Variants in CLVS1 observed in about 807,000 individuals in gnomAD.
The protein encoded by CLVS1 is clavesin 1.
Under a neutral mutation model 33.1 loss-of-function variants are expected in CLVS1, and 10 were observed. That is an observed-to-expected ratio of 0.30 (90% CI 0.19 to 0.51). The LOEUF (loss-of-function observed/expected upper bound fraction) is 0.51, where lower values mean the gene tolerates loss of function less well. Ranked by LOEUF, CLVS1 falls within the 20% of genes least tolerant of loss-of-function variation. The pLI is 0.97. For synonymous variants in CLVS1, 163 were observed against 166.1 expected (o/e 0.98, Z 0.14); for missense variants, 343 against 433.4 (o/e 0.79, Z 1.85).
chr8:61,383,525 C>T (rs560708276), intron 3 of CLVS1, among the ~76,000 whole-genome samples: 1 of 152,332 alleles, frequency 6.6e-6, no homozygotes, highest in South Asian at 2.1e-4. Flanking sequence ...TTGAAGGACA[C>T]TTTTCCTCTA....
At chr8:61,173,119 T>C (rs1807040609) in intron 2 of CLVS1, among the ~76,000 whole-genome samples, 1 of 152,190 alleles carries the variant, frequency 6.6e-6, no homozygotes, top group Admixed American at 6.5e-5. Flanking sequence ...TATTGGCATC[T>C]TTTCAGTTCC....
intron 2 of CLVS1, among the ~76,000 whole-genome samples, chr8:61,362,272 G>A (rs915221560): frequency 2.6e-5 from 4 of 152,200 alleles, no homozygotes; most frequent in African/African-American, 9.6e-5. Flanking sequence ...GCCCAAAGTG[G>A]AGAAGGGAAA....
At chr8:61,066,408 G>A (rs1309835787) in intron 1 of CLVS1, among the ~76,000 whole-genome samples, 1 of 152,174 alleles carries the variant, frequency 6.6e-6, no homozygotes, top group Non-Finnish European at 1.5e-5. Context: ...TGAGGTGGGA[G>A]GATTGCTTGA....
intron 3 of CLVS1, among the ~76,000 whole-genome samples, chr8:61,452,292 C>T (rs779738503): frequency 2.0e-5 from 3 of 152,310 alleles, no homozygotes; most frequent in Non-Finnish European, 4.4e-5. Flanking sequence ...TAGAGTTCCA[C>T]TTCAGTAACC....
chr8:61,127,228 T>A (rs7830831), intron 1 of CLVS1, among the ~76,000 whole-genome samples: 2 of 151,696 alleles, frequency 1.3e-5, no homozygotes, highest in African/African-American at 2.4e-5. Flanking sequence ...TTTTTTTTTT[T>A]TTTGAGATGG....
At chr8:61,225,805 G>T (rs921260587) in intron 2 of CLVS1, among the ~76,000 whole-genome samples, 2 of 151,926 alleles carry the variant, frequency 1.3e-5, no homozygotes, top group African/African-American at 4.9e-5. Flanking sequence ...CAGGGAAAAT[G>T]ATTAGTTGGA....
the CLVS1 span, among the ~76,000 whole-genome samples, chr8:61,015,747 C>T: frequency 6.6e-6 from 1 of 152,096 alleles, no homozygotes; most frequent in African/African-American, 2.4e-5. Context: ...CTCATAGCTT[C>T]GGGAGGGAAT....
chr8:61,473,858 T>C (rs961369287), intron 5 of CLVS1, among the ~76,000 whole-genome samples: 3 of 152,220 alleles, frequency 2.0e-5, no homozygotes, highest in African/African-American at 7.2e-5. Flanking sequence ...GAAGCAGTGC[T>C]GACTGGGGAG....
the CLVS1 span, among the ~76,000 whole-genome samples, chr8:61,014,065 C>T: frequency 6.7e-6 from 1 of 148,784 alleles, no homozygotes; most frequent in African/African-American, 2.5e-5. Flanking sequence ...CTGCAAGTGT[C>T]AACTCTCTGA....
At chr8:61,035,187 C>CTTTTTTTTTTTTTTTTTTTTTT in the CLVS1 span, among the ~76,000 whole-genome samples, 4 of 129,408 alleles carry the variant, frequency 3.1e-5, no homozygotes, top group Non-Finnish European at 6.4e-5. Flanking sequence ...TTTCTTTTTT[C>CTTTTTTTTTTTTTTTTTTTTTT]TTTTTTTTTT....
At chr8:61,171,574 T>C (rs1807000098) in intron 2 of CLVS1, among the ~76,000 whole-genome samples, 2 of 152,178 alleles carry the variant, frequency 1.3e-5, no homozygotes, top group African/African-American at 4.8e-5. Flanking sequence ...CCATATGGCT[T>C]CGCTGACAGT....
intron 1 of CLVS1, among the ~76,000 whole-genome samples, chr8:61,121,114 C>G (rs148774341): frequency 1.3e-5 from 2 of 151,916 alleles, no homozygotes; most frequent in South Asian, 2.1e-4. Flanking sequence ...GCGCAGTATT[C>G]GGGTGGGAGT....
chr8:61,475,258 C>T (rs1473996928), intron 5 of CLVS1, among the ~76,000 whole-genome samples: 2 of 152,136 alleles, frequency 1.3e-5, no homozygotes, highest in Non-Finnish European at 2.9e-5. Context: ...AATAAACATG[C>T]GTGTGCATGT....
chr8:61,350,911 G>A (rs1812430938), intron 2 of CLVS1, among the ~76,000 whole-genome samples: 1 of 152,116 alleles, frequency 6.6e-6, no homozygotes, highest in South Asian at 2.1e-4. Flanking sequence ...TGTGCTGAAG[G>A]CAGTTCCTAG....
chr8:61,457,701 C>T (rs114396445), intron 4 of CLVS1, among the ~76,000 whole-genome samples: 8 of 152,064 alleles, frequency 5.3e-5, no homozygotes, highest in Non-Finnish European at 1.2e-4. Context: ...TAAGAAAACA[C>T]CAACTTTTTC....
the CLVS1 span, among the ~76,000 whole-genome samples, chr8:60,995,717 G>A: frequency 6.6e-6 from 1 of 152,202 alleles, no homozygotes; most frequent in Non-Finnish European, 1.5e-5. Context: ...GCACACGTAT[G>A]TTTATTGCGG....
intron 2 of CLVS1, among the ~76,000 whole-genome samples, chr8:61,192,640 C>A (rs988646223): frequency 1.3e-5 from 2 of 152,106 alleles, no homozygotes; most frequent in African/African-American, 4.8e-5. Flanking sequence ...GGCTAATATC[C>A]AGAATCTACA....
At chr8:61,181,593 T>G (rs1807230240) in intron 2 of CLVS1, among the ~76,000 whole-genome samples, 1 of 151,740 alleles carries the variant, frequency 6.6e-6, no homozygotes, top group Non-Finnish European at 1.5e-5. Flanking sequence ...ACTATAAGCC[T>G]ACAGTAACCA....
rs56322834 is a variant in CLVS1, at chr8:61,059,475, C to CAT, written c.-243+2269_-243+2270dup. 5.2e-3 allele frequency among the ~76,000 whole-genome samples: 260 copies of CAT among 50,184 alleles called. 16 individuals are homozygous for CAT. Among genetic ancestry groups the CAT allele is most frequent in the Middle Eastern group, 0.031 (1 of 32 alleles). The allele number at this position is 50,184 out of a possible 152,430, so 32.9% of individuals were successfully genotyped here. A position where few individuals can be genotyped will look rare whatever the true frequency, so the allele number is the denominator to read the frequency against. On this transcript the variant is annotated intron_variant, in intron 1 of 2. Coordinates refer to the CLVS1 transcript ENST00000522621. ...ACACACACATATACATACATACATA[C>CAT]ATATATATATATATATATATATATA...
Sources: gnomAD v4.1 joint callset for allele counts (sites outside exome capture counted in the v4.1 genomes callset) on GRCh38, gnomAD v4.1.1 for gene constraint, MANE v1.5 for transcripts, NCBI Gene and HGNC (gene_info 2026-07-23, HGNC 2026-07-21) for gene names.